The following TRDN variants were observed in gnomAD, a reference collection of about 807,000 sequenced individuals.
The protein encoded by TRDN is triadin.
Under a neutral mutation model 149.7 loss-of-function variants are expected in TRDN, and 161 were observed. That is an observed-to-expected ratio of 1.08 (90% CI 0.95 to 1.23). TRDN has a LOEUF of 1.23. Ranked by LOEUF, TRDN falls within the 50% of genes most tolerant of loss-of-function variation. The probability of loss-of-function intolerance (pLI) is 0.00; values close to 1 mark genes in which losing one functional copy is unlikely to be tolerated. For missense variants in TRDN, 896 were observed against 823.5 expected (o/e 1.09, Z -1.08); for synonymous variants, 294 against 250.5 (o/e 1.17, Z -1.64).
chr6:123,279,172 TA>T, intron 24 of TRDN, 90 bp from the exon 25 acceptor site: 2 of 1,102,466 alleles, frequency 1.8e-6, no homozygotes, highest in Admixed American at 2.6e-5. Flanking sequence ...TATTTGAAAA[TA>T]AAAATGAAAC....
At chr6:123,340,873 C>G (rs1475131607) in intron 21 of TRDN, among the ~76,000 whole-genome samples, 2 of 151,938 alleles carry the variant, frequency 1.3e-5, no homozygotes, top group East Asian at 3.9e-4. Context: ...AATTGTCTCA[C>G]AACATCTTGT....
chr6:123,384,438 T>C (rs975788304), intron 14 of TRDN, among the ~76,000 whole-genome samples: 1 of 152,122 alleles, frequency 6.6e-6, no homozygotes, highest in Non-Finnish European at 1.5e-5. Context: ...CATGGTCATG[T>C]AGGAATAAAT....
intron 21 of TRDN, among the ~76,000 whole-genome samples, chr6:123,347,547 G>A (rs1224582615): frequency 6.6e-6 from 1 of 151,922 alleles, no homozygotes; most frequent in Non-Finnish European, 1.5e-5. Context: ...TAAAGTATCA[G>A]CAAAACTTTA....
At chr6:123,616,666 A>G (rs1481555833) in intron 1 of TRDN, among the ~76,000 whole-genome samples, 1 of 152,192 alleles carries the variant, frequency 6.6e-6, no homozygotes, top group Non-Finnish European at 1.5e-5. Context: ...CATCAAAGGT[A>G]TGTCTACATT....
At chr6:123,446,452 G>C (rs908515799) in intron 10 of TRDN, among the ~76,000 whole-genome samples, 3 of 151,918 alleles carry the variant, frequency 2.0e-5, no homozygotes, top group African/African-American at 7.2e-5. Context: ...TGGCGTGGTG[G>C]TGGGCACCTG....
intron 5 of TRDN, among the ~76,000 whole-genome samples, chr6:123,529,934 C>T (rs9490798): frequency 0.57 from 86,133 of 151,744 alleles, 25,309 homozygotes; most frequent in Non-Finnish European, 0.65. Flanking sequence ...ACAATGCTGG[C>T]CTTTCTTAAT....
intron 12 of TRDN, among the ~76,000 whole-genome samples, chr6:123,430,672 G>A (rs751046699): frequency 2.6e-5 from 4 of 152,054 alleles, no homozygotes; most frequent in Non-Finnish European, 5.9e-5. Flanking sequence ...GTAGCCCCAA[G>A]TCCCCAAAAT....
chr6:123,294,204 C>T (rs1778109631), intron 24 of TRDN, among the ~76,000 whole-genome samples: 1 of 152,120 alleles, frequency 6.6e-6, no homozygotes, highest in South Asian at 2.1e-4. Flanking sequence ...TTGAGATTAA[C>T]ATTCAAAAGG....
rs10485416 is a variant in TRDN, at chr6:123,589,212, C to G, written c.23-18080G>C. Among the ~76,000 whole-genome samples the G allele has an allele frequency of 7.8e-3, 1,195 of 152,240 alleles. 10 individuals carry two copies. Among genetic ancestry groups the G allele is most frequent in the African/African-American group, 0.026 (1,091 of 41,544 alleles). On this transcript the variant is annotated intron_variant, in intron 1 of 40. Coordinates refer to ENST00000334268, the MANE Select transcript of TRDN (RefSeq NM_006073.4). ...GAAAATCTCCCAAATTATGTGGGTT[C>G]AATCTCACGGATATAGTAGCAAGGC... is the stretch of plus-strand genomic sequence containing the variant.
intron 9 of TRDN, among the ~76,000 whole-genome samples, chr6:123,491,339 A>G (rs978903250): frequency 3.3e-5 from 5 of 152,168 alleles, no homozygotes; most frequent in Non-Finnish European, 7.4e-5. Flanking sequence ...GGTATCTGCA[A>G]GATGAATACA....
intron 9 of TRDN, among the ~76,000 whole-genome samples, chr6:123,472,366 T>A (rs1323520357): frequency 1.3e-5 from 2 of 152,174 alleles, no homozygotes; most frequent in African/African-American, 2.4e-5. Flanking sequence ...ATACTGCGCT[T>A]TTCCGACAGG....
intron 5 of TRDN, among the ~76,000 whole-genome samples, chr6:123,529,689 T>C (rs529865974): frequency 6.6e-6 from 1 of 152,042 alleles, no homozygotes; most frequent in Non-Finnish European, 1.5e-5. Flanking sequence ...TAAAATTCCA[T>C]TTTTATCTCA....
At chr6:123,428,035 G>T (rs1024686553) in intron 12 of TRDN, among the ~76,000 whole-genome samples, 12 of 152,090 alleles carry the variant, frequency 7.9e-5, no homozygotes, top group African/African-American at 2.9e-4. Context: ...ATATCACCTA[G>T]ATTTTCACCA....
chr6:123,578,186 C>T (rs1041378687), intron 1 of TRDN, among the ~76,000 whole-genome samples: 1 of 152,134 alleles, frequency 6.6e-6, no homozygotes. Flanking sequence ...CTTTTGGTAT[C>T]TTTGTCATGA....
intron 9 of TRDN, chr6:123,469,800 G>GATGC (rs1384236776): frequency 2.6e-5 from 4 of 152,510 alleles, no homozygotes; most frequent in Admixed American, 6.5e-5. Context: ...AGAGAAGGCA[G>GATGC]ATGCGTAGAG....
intron 4 of TRDN, among the ~76,000 whole-genome samples, chr6:123,542,905 C>T (rs532952464): frequency 1.3e-5 from 2 of 148,704 alleles, no homozygotes; most frequent in Non-Finnish European, 3.0e-5. Context: ...TCTGTCACTG[C>T]GTCTGGCCCT....
intron 24 of TRDN, among the ~76,000 whole-genome samples, chr6:123,280,846 TG>T (rs374936052): frequency 6.6e-6 from 1 of 152,010 alleles, no homozygotes; most frequent in Middle Eastern, 3.2e-3. Context: ...TTCTACATTG[TG>T]AGATATTTGG....
intron 1 of TRDN, among the ~76,000 whole-genome samples, chr6:123,612,610 G>T (rs951247607): frequency 1.3e-5 from 2 of 152,034 alleles, no homozygotes; most frequent in Non-Finnish European, 2.9e-5. Flanking sequence ...TGATCATCAT[G>T]TATCACAGCT....
intron 3 of TRDN, among the ~76,000 whole-genome samples, 187 bp from the exon 4 acceptor site, chr6:123,547,559 G>A (rs1258938415): frequency 2.6e-5 from 4 of 151,712 alleles, no homozygotes; most frequent in Non-Finnish European, 5.9e-5. Flanking sequence ...ATTTATATAA[G>A]ATTGTTTCAT....
Sources: gnomAD v4.1 joint callset for allele counts (sites outside exome capture counted in the v4.1 genomes callset) on GRCh38, gnomAD v4.1.1 for gene constraint, MANE v1.5 for transcripts, NCBI Gene and HGNC (gene_info 2026-07-23, HGNC 2026-07-21) for gene names.